DCAF5: variants seen among roughly 807,000 people sequenced by gnomAD.
DCAF5 encodes the protein DDB1- and CUL4-associated factor 5.
A neutral mutation model predicts 80.7 loss-of-function variants in DCAF5; 9 were observed. The observed-to-expected ratio is 0.11, with a 90% CI of 0.07 to 0.19. DCAF5 has a LOEUF of 0.19. DCAF5 is among the 10% of genes least tolerant of loss of function. DCAF5 has a pLI of 1.00. For synonymous variants in DCAF5, 433 were observed against 461.9 expected (o/e 0.94, Z 0.80); for missense variants, 842 against 1,205.7 (o/e 0.70, Z 4.47).
chr14:69,059,567 G>C (rs1002368242), intron 8 of DCAF5, among the ~76,000 whole-genome samples: 1 of 152,230 alleles, frequency 6.6e-6, no homozygotes, highest in Non-Finnish European at 1.5e-5. Context: ...CAAGGGTCGA[G>C]ACTCAGCGGC....
intron 7 of DCAF5, among the ~76,000 whole-genome samples, chr14:69,074,416 A>G (rs983088825): frequency 1.3e-5 from 2 of 152,276 alleles, no homozygotes; most frequent in African/African-American, 4.8e-5. Flanking sequence ...AAGGGGGGGG[A>G]AACTAAGTAA....
chr14:69,140,081 C>T (rs944256413), intron 1 of DCAF5, among the ~76,000 whole-genome samples: 16 of 151,964 alleles, frequency 1.1e-4, no homozygotes, highest in African/African-American at 2.7e-4. Context: ...GCCTGGGCGA[C>T]GTAGAGAAAT....
At chr14:69,086,620 T>TTA (rs1566741668) in intron 6 of DCAF5, among the ~76,000 whole-genome samples, 1 of 134,230 alleles carries the variant, frequency 7.4e-6, no homozygotes, top group Non-Finnish European at 1.6e-5. Context: ...ATGGAGTTAT[T>TTA]AAAAAAAAAA....
At chr14:69,080,502 A>G (rs147104505) in intron 6 of DCAF5, among the ~76,000 whole-genome samples, 2,024 of 152,326 alleles carry the variant, frequency 0.013, 41 homozygotes, top group African/African-American at 0.047. Context: ...AGAAAACTGA[A>G]CTTCACCTCA....
chr14:69,070,795 T>C (rs985430291), intron 7 of DCAF5, among the ~76,000 whole-genome samples: 1 of 151,936 alleles, frequency 6.6e-6, no homozygotes, highest in African/African-American at 2.4e-5. Context: ...TTTTTCTTTT[T>C]TTTTTTTTGT....
intron 1 of DCAF5, among the ~76,000 whole-genome samples, chr14:69,136,771 T>C (rs577790155): frequency 1.5e-3 from 224 of 152,260 alleles, no homozygotes; most frequent in African/African-American, 5.2e-3. Context: ...CTAAATATCC[T>C]ATAGTGCACA....
intron 6 of DCAF5, chr14:69,089,299 T>A (rs544509643): frequency 6.6e-6 from 1 of 152,238 alleles, no homozygotes; most frequent in South Asian, 2.1e-4. Context: ...CCCTAAGGAG[T>A]CAACAAAAAA....
chr14:69,105,948 T>G (rs2040142822), intron 5 of DCAF5, among the ~76,000 whole-genome samples: 1 of 130,778 alleles, frequency 7.6e-6, no homozygotes, highest in African/African-American at 2.6e-5. Context: ...TATATATATC[T>G]CCTATTGGTT....
intron 5 of DCAF5, among the ~76,000 whole-genome samples, chr14:69,108,478 T>C (rs775080946): frequency 6.6e-6 from 1 of 151,988 alleles, no homozygotes; most frequent in Non-Finnish European, 1.5e-5. Flanking sequence ...GAAATGGGTA[T>C]GAAATGGGGT....
chr14:69,062,272 T>C, intron 8 of DCAF5, 112 bp downstream of exon 8: 1 of 1,152,576 alleles, frequency 8.7e-7, no homozygotes, highest in Non-Finnish European at 1.2e-6. Flanking sequence ...CTGAGAATTC[T>C]GATAGACCTT....
chr14:69,057,463 A>G (rs956061233), intron 8 of DCAF5, among the ~76,000 whole-genome samples: 2 of 152,124 alleles, frequency 1.3e-5, no homozygotes, highest in African/African-American at 4.8e-5. Flanking sequence ...ATCTATTTGT[A>G]CCTCACAGAA....
intron 5 of DCAF5, among the ~76,000 whole-genome samples, chr14:69,106,524 C>T (rs1268839720): frequency 6.6e-6 from 1 of 151,946 alleles, no homozygotes; most frequent in Non-Finnish European, 1.5e-5. Flanking sequence ...TCTGCCACTA[C>T]CCCACCTGGC....
In DCAF5 at chr14:69,055,635, A is replaced by G. The variant is rs767686794; in HGVS notation, c.1075-24T>C. The G allele has an allele frequency of 6.4e-7, 1 of 1,572,376 alleles. No homozygotes were observed. The highest frequency in any genetic ancestry group is 8.7e-7 in the Non-Finnish European group (1 of 1,153,128). ...ATCTGAACAGAAAATGAAAAACAAA[A>G]GCAACAAGGAGTAACTGGAAAGTAT... On this transcript the variant is annotated intron_variant, in intron 8 of 8. Coordinates refer to ENST00000341516, the MANE Select transcript of DCAF5 (RefSeq NM_003861.3). This position sits in a 1 kb window ranked among gnomAD's most constrained non-coding sequence, Gnocchi z 5.6.
intron 6 of DCAF5, chr14:69,085,396 G>A (rs1427023945): frequency 1.8e-6 from 1 of 557,070 alleles, no homozygotes; most frequent in African/African-American, 1.9e-5. Context: ...CTGAAGACAT[G>A]CCTTTCTTTC....
chr14:69,106,966 C>T (rs2040183181), intron 5 of DCAF5, among the ~76,000 whole-genome samples: 1 of 152,112 alleles, frequency 6.6e-6, no homozygotes, highest in Non-Finnish European at 1.5e-5. Context: ...CGCCTGAACC[C>T]AAGAGGTGGA....
chr14:69,135,449 C>T (rs2041162266), intron 1 of DCAF5, among the ~76,000 whole-genome samples: 2 of 152,302 alleles, frequency 1.3e-5, no homozygotes, highest in South Asian at 4.1e-4. Flanking sequence ...AACACTTCTG[C>T]TGCACACTGA....
At chr14:69,090,260 T>C (rs1464154633) in intron 6 of DCAF5, 1 of 290,608 alleles carries the variant, frequency 3.4e-6, no homozygotes, top group Admixed American at 6.5e-5. Context: ...ATATCTGTTC[T>C]ATTGAGAGTC....
Position 69,153,115 on chromosome 14 carries a change from G to A in DCAF5, c.-137C>T, listed in dbSNP as rs1191766339. The A allele has an allele frequency of 3.1e-6, 2 of 651,054 alleles. No homozygotes were observed. Among genetic ancestry groups the A allele is most frequent in the Non-Finnish European group, 4.7e-6 (2 of 426,102 alleles). The allele number at this position is 651,054 out of a possible 1,614,324, so 40.3% of individuals were successfully genotyped here. ...TAACCAGCCATGGCAGGCAGAGCGA[G>A]GTGTGCAGACACTCGGCGGCGTTCG... is the stretch of plus-strand genomic sequence containing the variant. On this transcript the variant is annotated 5_prime_UTR_variant, in exon 1 of 9. Coordinates refer to ENST00000341516, the MANE Select transcript of DCAF5 (RefSeq NM_003861.3).
intron 4 of DCAF5, among the ~76,000 whole-genome samples, chr14:69,117,929 G>A (rs3742905): frequency 6.6e-6 from 1 of 152,126 alleles, no homozygotes; most frequent in Non-Finnish European, 1.5e-5. Flanking sequence ...CAGGAGGGTG[G>A]AGAAGGACTG....
Sources: allele counts gnomAD v4.1 joint callset (sites outside exome capture counted in the v4.1 genomes callset), GRCh38; gene constraint gnomAD v4.1.1; non-coding constraint Gnocchi (gnomAD v3.1); transcripts MANE v1.5; gene names NCBI Gene and HGNC (gene_info 2026-07-23, HGNC 2026-07-21).